SIAH3: variants seen among roughly 807,000 people sequenced by gnomAD.
SIAH3 encodes the protein siah E3 ubiquitin protein ligase family member 3.
In SIAH3, 9 loss-of-function variants were observed where a neutral mutation model predicts 12.6. That is an observed-to-expected ratio of 0.72 (90% confidence interval 0.43 to 1.25). The LOEUF (loss-of-function observed/expected upper bound fraction) is 1.25. Ranked by LOEUF, SIAH3 falls within the 50% of genes most tolerant of loss-of-function variation. SIAH3 has a pLI of 0.00. For synonymous variants in SIAH3, 154 were observed against 151.1 expected, an observed-to-expected ratio of 1.02 and a Z score of -0.14; for missense variants, 390 against 365.4, an observed-to-expected ratio of 1.07 and a Z score of -0.55.
At chr13:45,802,932 C>T (rs945621075) in intron 1 of SIAH3, among the ~76,000 whole-genome samples, 23 of 152,032 alleles carry the variant, frequency 1.5e-4, no homozygotes, top group African/African-American at 3.9e-4. Flanking sequence ...ATTAGCTGGG[C>T]GTGGTGGCGG....
At chr13:45,800,656 C>T (rs7985625) in intron 1 of SIAH3, among the ~76,000 whole-genome samples, 57,059 of 151,812 alleles carry the variant, frequency 0.38, 11,310 homozygotes, top group African/African-American at 0.45. Context: ...CCTTCCTTTT[C>T]TGCCTCTGGT....
At chr13:45,833,982 G>A (rs1478734808) in intron 1 of SIAH3, among the ~76,000 whole-genome samples, 3 of 148,006 alleles carry the variant, frequency 2.0e-5, no homozygotes, top group South Asian at 2.1e-4. Context: ...CTTATTTTTC[G>A]CCCAACCAAT....
rs933943378 is a variant in SIAH3, at chr13:45,780,601, A to G, written c.*2782T>C. ...AAAGCAGAGATGCTTCTAAAAGCAA[A>G]TCTACTCCAGTCTTTCTCTCCCTGC... is the stretch of plus-strand genomic sequence containing the variant. On this transcript the variant is annotated 3_prime_UTR_variant, in exon 2 of 2. Transcript: ENST00000400405. 6.6e-6 allele frequency: 1 copy of G among 152,182 alleles called. No homozygotes were observed. The highest frequency in any genetic ancestry group is 2.4e-5 in the African/African-American group (1 of 41,438). 9.4% of individuals were successfully genotyped at this position (152,182 alleles called of 1,614,324 possible). A position where few individuals can be genotyped will look rare whatever the true frequency, so the allele number is the denominator to read the frequency against.
rs767328502 is a variant in SIAH3, at chr13:45,783,905, C to A, written c.288G>T (p.Gly96=). 7 of 1,611,532 alleles carry A rather than the reference C, an allele frequency of 4.3e-6. No homozygotes were observed. The highest frequency in any genetic ancestry group is 5.9e-6 in the Non-Finnish European group (7 of 1,178,772). The change falls in exon 2 of 2, where the codon GGG becomes GGT. Residue 96 remains glycine (G), a synonymous_variant. Coordinates refer to ENST00000400405, the MANE Select transcript of SIAH3 (RefSeq NM_198849.3). ...AGGGCGTCACCGGGTTGGCGTGCAGCCCCGCCTCCTGGTGGTGAAGGTGGT... is the reference window on the plus strand; with the variant it reads ...AGGGCGTCACCGGGTTGGCGTGCAGACCCGCCTCCTGGTGGTGAAGGTGGT... ...HPHHLHHQEA[G]LHANPVTPCL...
intron 1 of SIAH3, among the ~76,000 whole-genome samples, chr13:45,832,130 C>T (rs1271997364): frequency 6.6e-6 from 1 of 152,222 alleles, no homozygotes; most frequent in African/African-American, 2.4e-5. Flanking sequence ...CCATGTCCAA[C>T]CCTGCCTGGG....
Position 45,783,443 on chromosome 13 carries a change from G to T in SIAH3, c.750C>A (p.Ser250Arg), listed in dbSNP as rs1950512875. Residue 250 changes from serine to arginine, a missense_variant, in exon 2 of 2, where the codon AGC (serine) becomes AGA (arginine). Transcript: ENST00000400405. ...SLAQLFSDNG[S>R]LAIGIAITAT... The stretch of plus-strand genomic sequence containing the variant: ...CGGTGATGGCAATCCCAATGGCAAG[G>T]CTGCCGTTGTCAGAGAAGAGCTGTG... The T allele has an allele frequency of 5.6e-6, 9 of 1,614,104 alleles. No individual in the cohort carries two copies. The highest frequency in any genetic ancestry group is 6.8e-6 in the Non-Finnish European group (8 of 1,180,004).
rs1156680970 is a variant in SIAH3 at position 45,779,126 on chromosome 13, T to G, written c.*4257A>C. On this transcript the variant is annotated 3_prime_UTR_variant, in exon 2 of 2. Coordinates refer to ENST00000400405, the MANE Select transcript of SIAH3 (RefSeq NM_198849.3). ...CTAAATGTGGAGCTGGAAGATGCGG[T>G]GCAGCACATTATTATATAGTATGTT... is the stretch of plus-strand genomic sequence containing the variant. 3 of 152,196 alleles carry G rather than the reference T, an allele frequency of 2.0e-5. No homozygotes were observed. Among genetic ancestry groups the G allele is most frequent in the African/African-American group, 7.2e-5 (3 of 41,426 alleles). 9.4% of individuals were successfully genotyped at this position (152,196 alleles called of 1,614,324 possible). A position where few individuals can be genotyped will look rare whatever the true frequency, so the allele number is the denominator to read the frequency against.
chr13:45,826,971 C>T (rs972676216), intron 1 of SIAH3, among the ~76,000 whole-genome samples: 2 of 152,150 alleles, frequency 1.3e-5, no homozygotes, highest in Admixed American at 6.5e-5. Flanking sequence ...ATTAGTCTCT[C>T]GAGTAAACCA....
chr13:45,784,398 G>GTTTTTTTTTTTTTTTTT (rs35686357), intron 1 of SIAH3, among the ~76,000 whole-genome samples: 33 of 65,774 alleles, frequency 5.0e-4, no homozygotes, highest in Non-Finnish European at 6.0e-4. Flanking sequence ...AAAGACAGCT[G>GTTTTTTTTTTTTTTTTT]TTTTTTTTTT....
At chr13:45,797,351 G>T (rs886198425) in intron 1 of SIAH3, among the ~76,000 whole-genome samples, 1 of 152,072 alleles carries the variant, frequency 6.6e-6, no homozygotes, top group Admixed American at 6.6e-5. Flanking sequence ...AATGCCTGCC[G>T]CTTGGGTGAC....
intron 1 of SIAH3, among the ~76,000 whole-genome samples, chr13:45,831,506 TTTA>T (rs1287768536): frequency 6.6e-6 from 1 of 152,162 alleles, no homozygotes; most frequent in African/African-American, 2.4e-5. Context: ...TCAGTAGATA[TTTA>T]TTGAGCCTCC....
At chr13:45,790,640 C>A (rs1488806909) in intron 1 of SIAH3, among the ~76,000 whole-genome samples, 1 of 152,198 alleles carries the variant, frequency 6.6e-6, no homozygotes, top group African/African-American at 2.4e-5. Context: ...GCCCGACATG[C>A]AATGTATGCT....
At chr13:45,837,674 T>C (rs1418540354) in intron 1 of SIAH3, among the ~76,000 whole-genome samples, 1 of 152,124 alleles carries the variant, frequency 6.6e-6, no homozygotes, top group Non-Finnish European at 1.5e-5. Flanking sequence ...ATGAAAGAAC[T>C]ACCGTGTGCC....
chr13:45,801,100 G>GGGC (rs1555257366), intron 1 of SIAH3, among the ~76,000 whole-genome samples: 35 of 144,552 alleles, frequency 2.4e-4, no homozygotes, highest in African/African-American at 8.6e-4. Flanking sequence ...GGTGGCGGGG[G>GGGC]GGGGCATGGC....
chr13:45,850,010 G>A lies in SIAH3; in HGVS notation c.135+1485C>T, dbSNP rs563313405. Among the ~76,000 whole-genome samples the A allele has an allele frequency of 2.6e-5, 4 of 152,326 alleles. No individual in the cohort carries two copies. In the South Asian group the frequency reaches 6.2e-4, roughly 24 times the overall value. On this transcript the variant is annotated intron_variant, in intron 1 of 1. Coordinates refer to ENST00000400405, the MANE Select transcript of SIAH3 (RefSeq NM_198849.3). ...ATACTTGCTTTGCCAAGGATGACTG[G>A]TAGTAAATTCTCATTTATAAAACTA...
intron 1 of SIAH3, among the ~76,000 whole-genome samples, chr13:45,784,874 A>G (rs1235745870): frequency 1.3e-5 from 2 of 152,186 alleles, no homozygotes; most frequent in African/African-American, 2.4e-5. Context: ...ACATTTATTG[A>G]GCATCTGCTG....
At chr13:45,836,918 G>C (rs1950719823) in intron 1 of SIAH3, among the ~76,000 whole-genome samples, 2 of 152,148 alleles carry the variant, frequency 1.3e-5, no homozygotes, top group Admixed American at 1.3e-4. Context: ...TTGCCTGCTT[G>C]GACATACCCA....
intron 1 of SIAH3, among the ~76,000 whole-genome samples, chr13:45,829,340 C>T (rs906801924): frequency 2.0e-5 from 3 of 152,170 alleles, no homozygotes; most frequent in Non-Finnish European, 2.9e-5. Flanking sequence ...CAGTGGCTCA[C>T]ACCTATAATC....
At chr13:45,784,585 G>GCCCTTCTCCTGCA (rs56396736) in intron 1 of SIAH3, among the ~76,000 whole-genome samples, 1 of 151,890 alleles carries the variant, frequency 6.6e-6, no homozygotes, top group Non-Finnish European at 1.5e-5. Flanking sequence ...CTTCTCCTGC[G>GCCCTTCTCCTGCA]TCCTAAGGCA....
Sources: gnomAD v4.1 joint callset for allele counts (sites outside exome capture counted in the v4.1 genomes callset) on GRCh38, gnomAD v4.1.1 for gene constraint, MANE v1.5 for transcripts, NCBI Gene and HGNC (gene_info 2026-07-23, HGNC 2026-07-21) for gene names.